CTDP1: variants seen among roughly 807,000 people sequenced by gnomAD.
CTDP1 encodes the protein RNA polymerase II subunit A C-terminal domain phosphatase.
Under a neutral mutation model 91.8 loss-of-function variants are expected in CTDP1, and 47 were observed. That is an observed-to-expected ratio of 0.51 (90% CI 0.41 to 0.65). The LOEUF (loss-of-function observed/expected upper bound fraction) is 0.65, where lower values mean the gene tolerates loss of function less well. Ranked by LOEUF, CTDP1 falls within the 30% of genes least tolerant of loss-of-function variation. CTDP1 has a pLI of 0.00. For missense variants in CTDP1, 1,272 were observed against 1,373.7 expected, an observed-to-expected ratio of 0.93 and a Z score of 1.17; for synonymous variants, 656 against 598.5, an observed-to-expected ratio of 1.10 and a Z score of -1.40.
intron 12 of CTDP1, 22 bp downstream of exon 12, chr18:79,736,543 G>A (rs1403552766): frequency 6.6e-7 from 1 of 1,520,938 alleles, no homozygotes; most frequent in Non-Finnish European, 8.8e-7. Flanking sequence ...GTCTGAGGTG[G>A]GAGGGGCCTG....
Position 79,705,635 on chromosome 18 carries a change from C to T in CTDP1, c.772+718C>T, listed in dbSNP as rs577168366. Among the ~76,000 whole-genome samples the T allele has an allele frequency of 1.2e-4, 18 of 152,150 alleles. No individual in the cohort carries two copies. In the East Asian group the frequency reaches 3.1e-3, roughly 26 times the overall value. On this transcript the variant is annotated intron_variant, in intron 5 of 12. Coordinates refer to ENST00000613122, the MANE Select transcript of CTDP1 (RefSeq NM_004715.5). ...CGTGGACAAAGCGAGGGGGCTGCCA[C>T]GGGACGGCGACCGTCTGTCCCACAT...
chr18:79,703,862 G>A (rs577998440), intron 4 of CTDP1, among the ~76,000 whole-genome samples: 193 of 152,210 alleles, frequency 1.3e-3, no homozygotes, highest in Non-Finnish European at 2.1e-3. Context: ...GACTGTTGGC[G>A]TGGTTATTGG....
At chr18:79,752,251 T>C (rs1039957618) in intron 12 of CTDP1, among the ~76,000 whole-genome samples, 19 of 146,618 alleles carry the variant, frequency 1.3e-4, no homozygotes, top group South Asian at 4.3e-4. Flanking sequence ...CGGCTGGTTA[T>C]GCAGAGGCTC....
At chr18:79,697,309 C>T (rs1179334408) in intron 3 of CTDP1, among the ~76,000 whole-genome samples, 2 of 151,458 alleles carry the variant, frequency 1.3e-5, no homozygotes, top group African/African-American at 4.8e-5. Context: ...TGTCCCATGC[C>T]GGGCTCCTGA....
chr18:79,685,304 A>G (rs2085472063), intron 1 of CTDP1: 1 of 152,204 alleles, frequency 6.6e-6, no homozygotes, highest in Admixed American at 6.5e-5. Flanking sequence ...TCAGAAACTA[A>G]GTCTTTTTTT....
intron 1 of CTDP1, among the ~76,000 whole-genome samples, chr18:79,681,204 C>T (rs193140634): frequency 8.5e-5 from 13 of 152,348 alleles, no homozygotes; most frequent in Non-Finnish European, 1.6e-4. Context: ...GGACAGGAGT[C>T]TTCCCGTCAC....
intron 12 of CTDP1, among the ~76,000 whole-genome samples, chr18:79,739,493 G>A (rs541261690): frequency 6.6e-6 from 1 of 151,936 alleles, no homozygotes; most frequent in Non-Finnish European, 1.5e-5. Context: ...AACCACGCAA[G>A]CACGGAACTG....
intron 10 of CTDP1, among the ~76,000 whole-genome samples, chr18:79,720,953 G>A (rs950533230): frequency 3.3e-5 from 5 of 152,130 alleles, no homozygotes; most frequent in Admixed American, 2.0e-4. Context: ...TCTGGAAAAC[G>A]TTTCACTCAG....
intron 5 of CTDP1, 127 bp from the exon 6 acceptor site, chr18:79,710,219 G>A: frequency 1.3e-6 from 1 of 794,568 alleles, no homozygotes; most frequent in Admixed American, 1.7e-5. Flanking sequence ...AAGGGATGAA[G>A]TGTTTGGTGC....
intron 8 of CTDP1, among the ~76,000 whole-genome samples, chr18:79,716,843 G>A (rs1382918104): frequency 6.6e-6 from 1 of 152,280 alleles, no homozygotes; most frequent in Non-Finnish European, 1.5e-5. Flanking sequence ...GCTAAGAGAG[G>A]TCCTCCTGCT....
At chr18:79,750,668 C>CTTT (rs749153854) in intron 12 of CTDP1, among the ~76,000 whole-genome samples, 14 of 94,212 alleles carry the variant, frequency 1.5e-4, no homozygotes, top group African/African-American at 4.1e-4. Context: ...TAATTTTTTG[C>CTTT]TTTTTTTTTT....
chr18:79,729,450 A>G (rs748280894), intron 11 of CTDP1, among the ~76,000 whole-genome samples: 54 of 152,132 alleles, frequency 3.5e-4, no homozygotes, highest in Non-Finnish European at 6.5e-4. Flanking sequence ...GGGCCGGTCA[A>G]CACCCCCTGC....
intron 12 of CTDP1, among the ~76,000 whole-genome samples, chr18:79,746,345 TTCTGACCC>T: frequency 6.8e-6 from 1 of 146,552 alleles, no homozygotes; most frequent in Non-Finnish European, 1.5e-5. Flanking sequence ...CCCGTGCGCG[TTCTGACCC>T]TGCGTCCCTC....
intron 10 of CTDP1, among the ~76,000 whole-genome samples, chr18:79,727,944 C>T (rs147586339): frequency 1.4e-4 from 22 of 152,216 alleles, no homozygotes; most frequent in African/African-American, 4.6e-4. Context: ...ATATCCAGAT[C>T]GAGAAAGATG....
At chr18:79,680,410 A>C in intron 1 of CTDP1, 149 bp downstream of exon 1, 2 of 590,328 alleles carry the variant, frequency 3.4e-6, no homozygotes, top group Non-Finnish European at 4.9e-6. Flanking sequence ...TTCTCCCCTA[A>C]AACTGGATAG....
chr18:79,730,501 C>T (rs1036751917), intron 11 of CTDP1, among the ~76,000 whole-genome samples: 21 of 144,110 alleles, frequency 1.5e-4, no homozygotes, highest in Non-Finnish European at 7.7e-5. Context: ...ATGTCTTGAA[C>T]GCACTCAGCA....
At chr18:79,729,782 T>C (rs947400876) in intron 11 of CTDP1, among the ~76,000 whole-genome samples, 7 of 152,216 alleles carry the variant, frequency 4.6e-5, no homozygotes, top group Non-Finnish European at 8.8e-5. Flanking sequence ...AGGAGGACTG[T>C]CCTGGAAAAC....
intron 4 of CTDP1, among the ~76,000 whole-genome samples, chr18:79,702,114 G>C (rs2085872070): frequency 6.6e-6 from 1 of 152,224 alleles, no homozygotes; most frequent in Admixed American, 6.5e-5. Flanking sequence ...CAGTTCTTCT[G>C]TGGGTAAAAC....
chr18:79,695,958 C>A lies in CTDP1; in HGVS notation c.399-19C>A, dbSNP rs559446134. Reference sequence around the variant, plus strand: ...CAGAGACTCAGCTGAAAGCCCTGAACCTGTCCTTGCACTTGCAGGTTGCAG... The same window carrying A: ...CAGAGACTCAGCTGAAAGCCCTGAAACTGTCCTTGCACTTGCAGGTTGCAG... On this transcript the variant is annotated intron_variant, in intron 2 of 12. Transcript: ENST00000613122. 1.9e-6 allele frequency: 3 copies of A among 1,607,708 alleles called. No homozygotes were observed. In the African/African-American group the frequency reaches 4.0e-5, roughly 21 times the overall value.
Sources: allele counts gnomAD v4.1 joint callset (sites outside exome capture counted in the v4.1 genomes callset), GRCh38; gene constraint gnomAD v4.1.1; transcripts MANE v1.5; gene names NCBI Gene and HGNC (gene_info 2026-07-23, HGNC 2026-07-21).